RNF19A: variants seen among roughly 807,000 people sequenced by gnomAD.
RNF19A encodes the protein ring finger protein 19A, RBR E3 ubiquitin protein ligase.
A neutral mutation model predicts 75.7 loss-of-function variants in RNF19A; 32 were observed. The ratio of observed to expected loss-of-function variants is 0.42; its 90% CI spans 0.32 to 0.57. The LOEUF is 0.57. Among genes scored for constraint, RNF19A ranks in the 20% least tolerant of loss-of-function variants. The probability of loss-of-function intolerance (pLI) is 0.10; values close to 1 mark genes in which losing one functional copy is unlikely to be tolerated. For missense variants in RNF19A, 782 were observed against 1,036.3 expected (o/e 0.75, Z 3.37); for synonymous variants, 335 against 345.2 (o/e 0.97, Z 0.33).
intron 1 of RNF19A, among the ~76,000 whole-genome samples, chr8:100,288,777 T>C (rs1048658074): frequency 3.3e-5 from 5 of 152,094 alleles, no homozygotes; most frequent in African/African-American, 1.2e-4. Flanking sequence ...AAGTCCCATA[T>C]AGGCCAGGCG....
At position 100,258,530 on chromosome 8, in the gene RNF19A, G is replaced by C. The variant is rs113974400; in HGVS notation, c.*26C>G. 2.4e-5 allele frequency: 38 copies of C among 1,561,710 alleles called. 2 individuals are homozygous for C. The African/African-American group carries it at 3.4e-4, about 14-fold the overall frequency. ...CAGCTCCAAACACGGTTGTACAGTG[G>C]TAATTATTCTGCAGCATTTATGGGC... is the stretch of plus-strand genomic sequence containing the variant. On this transcript the variant is annotated 3_prime_UTR_variant, in exon 10 of 10. Transcript: ENST00000341084. This position sits in a 1 kb window ranked among gnomAD's most constrained non-coding sequence, Gnocchi z 4.3.
chr8:100,312,031 G>T (rs1822307315), upstream of RNF19A, among the ~76,000 whole-genome samples: 1 of 152,148 alleles, frequency 6.6e-6, no homozygotes, highest in Admixed American at 6.5e-5. Flanking sequence ...GATGTAGTTT[G>T]TTCTTTCCTC....
intron 5 of RNF19A, among the ~76,000 whole-genome samples, chr8:100,265,940 A>T (rs1463455564): frequency 1.3e-5 from 2 of 152,174 alleles, no homozygotes; most frequent in Non-Finnish European, 2.9e-5. Flanking sequence ...ACTGCAGCTA[A>T]TTCCTGCTCC....
chr8:100,282,789 T>G (rs957729550), intron 2 of RNF19A, among the ~76,000 whole-genome samples: 1 of 152,228 alleles, frequency 6.6e-6, no homozygotes, highest in Non-Finnish European at 1.5e-5. Flanking sequence ...TACACAGACA[T>G]TAATTAGAAT....
In RNF19A at chr8:100,330,678, A is replaced by G. The variant is rs1329721496; in HGVS notation, c.-243+5430T>C. Among the ~76,000 whole-genome samples, 1 of 152,236 alleles carries G rather than the reference A, an allele frequency of 6.6e-6. No individual in the cohort carries two copies. The highest frequency in any genetic ancestry group is 1.5e-5 in the Non-Finnish European group (1 of 68,042). On this transcript the variant is annotated intron_variant, in intron 1 of 3. Transcript: ENST00000519527. This position sits in a 1 kb window ranked among gnomAD's most constrained non-coding sequence, Gnocchi z 4.1. Reference sequence around the variant, plus strand: ...TGTTGAGTCTCTGGACTTTCCAGTTACCCAAGGCAATAAATTACCTGTTTT... The same window carrying G: ...TGTTGAGTCTCTGGACTTTCCAGTTGCCCAAGGCAATAAATTACCTGTTTT...
chr8:100,273,865 C>G (rs897439117), intron 3 of RNF19A, among the ~76,000 whole-genome samples: 15 of 152,172 alleles, frequency 9.9e-5, no homozygotes, highest in Non-Finnish European at 1.5e-5. Context: ...TCACTGCAAC[C>G]TCTGCCTCCT....
upstream of RNF19A, among the ~76,000 whole-genome samples, chr8:100,314,399 T>C (rs1822343996): frequency 6.6e-6 from 1 of 152,118 alleles, no homozygotes; most frequent in African/African-American, 2.4e-5. The surrounding 1 kb of genome is among the most constrained non-coding windows in gnomAD (Gnocchi z 4.1). Context: ...GTTTAAGTAA[T>C]TTGCTGAAAG....
chr8:100,316,271 C>CT (rs1209845470), intron 1 of RNF19A, among the ~76,000 whole-genome samples: 1 of 152,052 alleles, frequency 6.6e-6, no homozygotes, highest in Admixed American at 6.6e-5. Context: ...ATAAAAGCAG[C>CT]GTGGACCCAA....
rs1297630206 is a variant in RNF19A at position 100,330,014 on chromosome 8, G to T, written c.-243+6094C>A. ...AGGGATCCTAATTTGTTTTTTTGTGGGGGAGGCAGTGGGAGGAGGCTTATA... is the reference window on the plus strand; with the variant it reads ...AGGGATCCTAATTTGTTTTTTTGTGTGGGAGGCAGTGGGAGGAGGCTTATA... On this transcript the variant is annotated intron_variant, in intron 1 of 3. Transcript: ENST00000519527. The surrounding 1 kb of genome is among the most constrained non-coding windows in gnomAD (Gnocchi z 4.1). 2.0e-5 allele frequency among the ~76,000 whole-genome samples: 3 copies of T among 152,002 alleles called. No individual in the cohort carries two copies. Among genetic ancestry groups the T allele is most frequent in the Admixed American group, 1.3e-4 (2 of 15,264 alleles).
At chr8:100,290,709 C>T (rs1272348546) in intron 1 of RNF19A, among the ~76,000 whole-genome samples, 1 of 152,124 alleles carries the variant, frequency 6.6e-6, no homozygotes, top group Non-Finnish European at 1.5e-5. Flanking sequence ...AGAAATGTGT[C>T]ATTAGGTGAT....
intron 1 of RNF19A, among the ~76,000 whole-genome samples, chr8:100,291,595 G>T (rs1563856086): frequency 6.6e-6 from 1 of 152,168 alleles, no homozygotes; most frequent in Non-Finnish European, 1.5e-5. Flanking sequence ...CTGCCTAAAT[G>T]ATTTACACAT....
chr8:100,306,363 C>T (rs765376677), intron 1 of RNF19A, among the ~76,000 whole-genome samples: 6 of 151,974 alleles, frequency 3.9e-5, no homozygotes, highest in Non-Finnish European at 7.4e-5. Flanking sequence ...AAAACCTTTC[C>T]TAATAGGACT....
In RNF19A at chr8:100,260,734, T is replaced by A. The variant is rs1048992013; in HGVS notation, c.1683-737A>T. Among the ~76,000 whole-genome samples the A allele has an allele frequency of 3.9e-5, 6 of 152,136 alleles. No individual in the cohort carries two copies. The East Asian group carries it at 1.2e-3, about 29-fold the overall frequency. On this transcript the variant is annotated intron_variant, in intron 8 of 9. Coordinates refer to ENST00000341084, the MANE Select transcript of RNF19A (RefSeq NM_183419.4). The surrounding 1 kb of genome is among the most constrained non-coding windows in gnomAD (Gnocchi z 4.1). ...GCTAATAAGCCTAAGTGAAAAATAG[T>A]GAATTAAAGAGAAACAGGGGAAGAT...
Position 100,260,178 on chromosome 8 carries a change from C to T in RNF19A, c.1683-181G>A. ...AGCACACTGCATAGTACCAGCCATCCAAATAAAATGGGGAACATCAGCTGT... is the reference window on the plus strand; with the variant it reads ...AGCACACTGCATAGTACCAGCCATCTAAATAAAATGGGGAACATCAGCTGT... On this transcript the variant is annotated intron_variant, in intron 8 of 9. Coordinates refer to ENST00000341084, the MANE Select transcript of RNF19A (RefSeq NM_183419.4). This position sits in a 1 kb window ranked among gnomAD's most constrained non-coding sequence, Gnocchi z 4.1. 1 of 522,690 alleles carries T rather than the reference C, an allele frequency of 1.9e-6. No homozygotes were observed. The highest frequency in any genetic ancestry group is 3.3e-5 in the East Asian group (1 of 30,282). The allele number at this position is 522,690 out of a possible 1,614,324, so 32.4% of individuals were successfully genotyped here.
intron 2 of RNF19A, among the ~76,000 whole-genome samples, chr8:100,285,717 C>T (rs773063690): frequency 2.0e-5 from 3 of 151,952 alleles, no homozygotes; most frequent in Non-Finnish European, 4.4e-5. Flanking sequence ...ACTGCAGCCT[C>T]GACCTCATGG....
Position 100,319,742 on chromosome 8 carries a change from C to T in RNF19A, c.-242-6370G>A, listed in dbSNP as rs1281491990. Reference sequence around the variant, plus strand: ...ATGAGGTTTCACCATGTTGGCCAGGCTGGTCTCCATCTCCTGACCTCAGGT... The same window carrying T: ...ATGAGGTTTCACCATGTTGGCCAGGTTGGTCTCCATCTCCTGACCTCAGGT... On this transcript the variant is annotated intron_variant, in intron 1 of 3. Coordinates refer to the RNF19A transcript ENST00000519527. Among the ~76,000 whole-genome samples, 4 of 151,860 alleles carry T rather than the reference C, an allele frequency of 2.6e-5. No individual in the cohort carries two copies. In the East Asian group the frequency reaches 7.7e-4, roughly 29 times the overall value.
chr8:100,275,836 C>G lies in RNF19A; in HGVS notation c.675-675G>C, dbSNP rs1820481272. ...GTGACTATAGGTTAGTTTTAACTGT[C>G]AGGTAATGGCATACTGTGCCAATTT... On this transcript the variant is annotated intron_variant, in intron 2 of 9. Transcript: ENST00000341084. The surrounding 1 kb of genome is among the most constrained non-coding windows in gnomAD (Gnocchi z 4.3). Among the ~76,000 whole-genome samples the G allele has an allele frequency of 2.6e-5, 4 of 152,166 alleles. No individual in the cohort carries two copies. Among genetic ancestry groups the G allele is most frequent in the South Asian group, 4.1e-4 (2 of 4,820 alleles).
Position 100,287,490 on chromosome 8 carries a change from T to C in RNF19A, c.674+11A>G. 1 of 1,557,064 alleles carries C rather than the reference T, an allele frequency of 6.4e-7. No individual in the cohort carries two copies. Among genetic ancestry groups the C allele is most frequent in the Non-Finnish European group, 8.7e-7 (1 of 1,152,864 alleles). Reference sequence around the variant, plus strand: ...AATTAACTCAAGAAAAATCAAACATTATCTTCTTACCCACAGTCTGGAGCT... The same window carrying C: ...AATTAACTCAAGAAAAATCAAACATCATCTTCTTACCCACAGTCTGGAGCT... On this transcript the variant is annotated intron_variant, in intron 2 of 9. Transcript: ENST00000341084. This position sits in a 1 kb window ranked among gnomAD's most constrained non-coding sequence, Gnocchi z 4.1.
At chr8:100,291,427 T>C (rs1356804386) in intron 1 of RNF19A, among the ~76,000 whole-genome samples, 1 of 152,238 alleles carries the variant, frequency 6.6e-6, no homozygotes, top group Non-Finnish European at 1.5e-5. Flanking sequence ...GTTTTTTAAC[T>C]GTGGAAAGAC....
Sources: gnomAD v4.1 joint callset for allele counts (sites outside exome capture counted in the v4.1 genomes callset) on GRCh38, gnomAD v4.1.1 for gene constraint, Gnocchi (gnomAD v3.1) non-coding constraint, MANE v1.5 for transcripts, NCBI Gene and HGNC (gene_info 2026-07-23, HGNC 2026-07-21) for gene names.